RBFOX3: variants seen among roughly 807,000 people sequenced by gnomAD.
RBFOX3 encodes RNA binding fox-1 homolog 3.
In RBFOX3, 17 loss-of-function variants were observed where a neutral mutation model predicts 48.7. That is an observed-to-expected ratio of 0.35 (90% confidence interval 0.24 to 0.52). The LOEUF (loss-of-function observed/expected upper bound fraction) is 0.52, where lower values mean the gene tolerates loss of function less well. Ranked by LOEUF, RBFOX3 falls within the 20% of genes least tolerant of loss-of-function variation. The probability of loss-of-function intolerance (pLI) is 0.94; values close to 1 mark genes in which losing one functional copy is unlikely to be tolerated. For synonymous variants in RBFOX3, 212 were observed against 209.5 expected, an observed-to-expected ratio of 1.01 and a Z score of -0.10; for missense variants, 382 against 497.5, an observed-to-expected ratio of 0.77 and a Z score of 2.21.
chr17:79,194,205 T>C (rs2055084986), intron 4 of RBFOX3, among the ~76,000 whole-genome samples: 1 of 152,176 alleles, frequency 6.6e-6, no homozygotes, highest in African/African-American at 2.4e-5. Flanking sequence ...GCCTCTGATC[T>C]CCTCTGCAGC....
intron 3 of RBFOX3, among the ~76,000 whole-genome samples, chr17:79,274,402 C>T (rs1044234680): frequency 1.3e-5 from 2 of 152,188 alleles, no homozygotes; most frequent in African/African-American, 2.4e-5. Context: ...CGGCAAAGGG[C>T]CCAGCACATG....
rs1164036256 is a variant in RBFOX3, at chr17:79,418,964, A to G, written c.-175+63490T>C. On this transcript the variant is annotated intron_variant, in intron 2 of 14. Coordinates refer to ENST00000693108, the MANE Select transcript of RBFOX3 (RefSeq NM_001350451.2). This position sits in a 1 kb window ranked among gnomAD's most constrained non-coding sequence, Gnocchi z 5.0. ...TTCTGCTAGACAAATAGATTTTACA[A>G]GCCCTCAGTTAAATGTGGATAATTA... 1.3e-5 allele frequency among the ~76,000 whole-genome samples: 2 copies of G among 152,190 alleles called. No homozygotes were observed. Among genetic ancestry groups the G allele is most frequent in the Non-Finnish European group, 2.9e-5 (2 of 68,036 alleles).
At chr17:79,526,989 T>G (rs1220272129) in intron 1 of RBFOX3, among the ~76,000 whole-genome samples, 2 of 152,182 alleles carry the variant, frequency 1.3e-5, no homozygotes, top group Admixed American at 6.5e-5. Context: ...AAGTCACCTG[T>G]CAGCCCCATG....
chr17:79,093,758 AGAGT>A (rs2074494989), intron 14 of RBFOX3, among the ~76,000 whole-genome samples: 1 of 151,236 alleles, frequency 6.6e-6, no homozygotes, highest in Non-Finnish European at 1.5e-5. Context: ...CTCTGGGTGC[AGAGT>A]GAGCTGGGCT....
chr17:79,350,015 C>G (rs1598349405), intron 2 of RBFOX3, among the ~76,000 whole-genome samples: 1 of 152,344 alleles, frequency 6.6e-6, no homozygotes, highest in South Asian at 2.1e-4. Context: ...CCAAAGTCGT[C>G]CTTAGGTCAT....
At chr17:79,383,031 A>AC (rs2060118021) in intron 2 of RBFOX3, among the ~76,000 whole-genome samples, 1 of 141,302 alleles carries the variant, frequency 7.1e-6, no homozygotes, top group Non-Finnish European at 1.5e-5. Flanking sequence ...CTGCCTCTCA[A>AC]ACACACACAC....
chr17:79,295,200 C>T (rs1238959487), intron 3 of RBFOX3, among the ~76,000 whole-genome samples: 1 of 152,162 alleles, frequency 6.6e-6, no homozygotes, highest in Admixed American at 6.5e-5. Context: ...CCACGCAGCA[C>T]GCAGATGAAA....
At chr17:79,566,042 G>A (rs2092441125) in intron 1 of RBFOX3, among the ~76,000 whole-genome samples, 1 of 152,060 alleles carries the variant, frequency 6.6e-6, no homozygotes, top group African/African-American at 2.4e-5. Context: ...TGTCTACGAA[G>A]CACTCTCACC....
chr17:79,457,232 G>A (rs951088477), intron 2 of RBFOX3, among the ~76,000 whole-genome samples: 3 of 152,220 alleles, frequency 2.0e-5, no homozygotes, highest in African/African-American at 4.8e-5. Context: ...ATGGTCGGAC[G>A]GATGAGGGCC....
At chr17:79,295,409 G>C (rs1037555736) in intron 3 of RBFOX3, among the ~76,000 whole-genome samples, 3 of 152,190 alleles carry the variant, frequency 2.0e-5, no homozygotes, top group African/African-American at 7.2e-5. Context: ...AACCTGGCAA[G>C]GTGAGGGAGC....
chr17:79,238,625 C>T (rs1433517342), intron 3 of RBFOX3, among the ~76,000 whole-genome samples: 3 of 152,250 alleles, frequency 2.0e-5, no homozygotes, highest in African/African-American at 4.8e-5. Flanking sequence ...GGCAGAGTAG[C>T]CTGTTCACCC....
At chr17:79,223,932 TA>T (rs965320722) in intron 4 of RBFOX3, among the ~76,000 whole-genome samples, 1 of 151,968 alleles carries the variant, frequency 6.6e-6, no homozygotes, top group Non-Finnish European at 1.5e-5. Context: ...AAGGTGTGTA[TA>T]TTGGGAGGCA....
intron 5 of RBFOX3, among the ~76,000 whole-genome samples, chr17:79,112,904 C>CG (rs1271126513): frequency 0.097 from 991 of 10,246 alleles, 22 homozygotes; most frequent in Admixed American, 0.15. Flanking sequence ...AGCAGGCTCT[C>CG]GGGGGGGGGG....
the RBFOX3 span, among the ~76,000 whole-genome samples, chr17:79,639,368 G>A: frequency 4.6e-5 from 7 of 152,114 alleles, no homozygotes; most frequent in African/African-American, 1.7e-4. Flanking sequence ...AGTAGAGATG[G>A]GGTTTCACTG....
At chr17:79,414,450 C>T (rs1041835068) in intron 2 of RBFOX3, among the ~76,000 whole-genome samples, 4 of 152,326 alleles carry the variant, frequency 2.6e-5, no homozygotes, top group East Asian at 1.9e-4. Flanking sequence ...AGCCCCTCAG[C>T]GTGTATTTCC....
intron 4 of RBFOX3, among the ~76,000 whole-genome samples, chr17:79,208,717 C>A (rs2057898110): frequency 6.6e-6 from 1 of 152,196 alleles, no homozygotes; most frequent in African/African-American, 2.4e-5. Flanking sequence ...CAGAATTATT[C>A]TGACCGTGTC....
intron 3 of RBFOX3, among the ~76,000 whole-genome samples, chr17:79,240,189 T>C (rs941156953): frequency 1.3e-5 from 2 of 152,220 alleles, no homozygotes; most frequent in Non-Finnish European, 2.9e-5. Flanking sequence ...ATTTCATTCT[T>C]CAGAAATTAA....
intron 3 of RBFOX3, among the ~76,000 whole-genome samples, chr17:79,256,539 T>G (rs1401079959): frequency 6.6e-6 from 1 of 152,154 alleles, no homozygotes; most frequent in East Asian, 1.9e-4. Context: ...CAGCCCTTAA[T>G]GTAAATCGCA....
intron 4 of RBFOX3, among the ~76,000 whole-genome samples, chr17:79,194,511 CAGG>C (rs1044224811): frequency 3.9e-5 from 6 of 152,042 alleles, no homozygotes; most frequent in Non-Finnish European, 7.4e-5. Flanking sequence ...GAGGCTGAGG[CAGG>C]AGAATTGCTT....
Sources: allele counts gnomAD v4.1 joint callset (sites outside exome capture counted in the v4.1 genomes callset), GRCh38; gene constraint gnomAD v4.1.1; non-coding constraint Gnocchi (gnomAD v3.1); transcripts MANE v1.5; gene names NCBI Gene and HGNC (gene_info 2026-07-23, HGNC 2026-07-21).